Variants in DOCK5 observed in about 807,000 individuals in gnomAD.
DOCK5 encodes dedicator of cytokinesis 5.
Under a neutral mutation model 251.8 loss-of-function variants are expected in DOCK5, and 142 were observed. The ratio of observed to expected loss-of-function variants is 0.56; its 90% confidence interval spans 0.49 to 0.65. The LOEUF (loss-of-function observed/expected upper bound fraction) is 0.65. Ranked by LOEUF, DOCK5 falls within the 30% of genes least tolerant of loss-of-function variation. The pLI, the probability that DOCK5 is intolerant of heterozygous loss-of-function variation, is 0.00. For missense variants in DOCK5, 2,111 were observed against 2,312.3 expected (o/e 0.91, Z 1.79); for synonymous variants, 842 against 835.5 (o/e 1.01, Z -0.13).
At chr8:25,351,654 A>G (rs1349888115) in intron 26 of DOCK5, 77 bp from the exon 27 acceptor site, 15 of 1,142,904 alleles carry the variant, frequency 1.3e-5, no homozygotes, top group Non-Finnish European at 1.8e-5. Context: ...TAAAGACAAA[A>G]CTCATCTATC....
chr8:25,298,957 A>G lies in DOCK5; in HGVS notation c.620A>G (p.Asn207Ser). ...CTCTTTGTTCAGTCAATCCTGCAGA[A>G]CCTCGATTTGCGGGGCCAGTCCATC... ...KIQEEKSILQNLDLRGQSIFS... is the reference protein window; with the variant it reads ...KIQEEKSILQSLDLRGQSIFS... The change falls in exon 8 of 52, where the codon AAC (asparagine) becomes AGC (serine). Residue 207 changes from asparagine to serine, a missense_variant. Around this residue, in one of 3 missense-constraint regions of DOCK5, gnomAD observed 335 missense variants for 324.9 expected, o/e 1.03. Transcript: ENST00000276440. The G allele has an allele frequency of 2.5e-6, 4 of 1,611,768 alleles. No homozygotes were observed. Among genetic ancestry groups the G allele is most frequent in the Non-Finnish European group, 3.4e-6 (4 of 1,179,128 alleles).
chr8:25,202,811 C>A (rs1801910465), intron 1 of DOCK5, among the ~76,000 whole-genome samples: 1 of 152,164 alleles, frequency 6.6e-6, no homozygotes, highest in African/African-American at 2.4e-5. Flanking sequence ...ACCACTCTTG[C>A]ACTTTGGGGC....
Position 25,300,568 on chromosome 8 carries a change from T to C in DOCK5, c.765-8T>C, listed in dbSNP as rs1459806922. On this transcript the variant is annotated splice_region_variant and splice_polypyrimidine_tract_variant and intron_variant, in intron 8 of 51. Coordinates refer to ENST00000276440, the MANE Select transcript of DOCK5 (RefSeq NM_024940.8). ...CTCATTAAGAGCAATTTTTTTTTCC[T>C]TTGCCAGTGAGAACTATCTAATTCG... is the stretch of plus-strand genomic sequence containing the variant. The C allele has an allele frequency of 1.9e-6, 3 of 1,610,706 alleles. No individual in the cohort carries two copies. Among genetic ancestry groups the C allele is most frequent in the Non-Finnish European group, 2.5e-6 (3 of 1,178,306 alleles).
chr8:25,339,598 C>T (rs995274994), intron 22 of DOCK5, among the ~76,000 whole-genome samples: 4 of 152,176 alleles, frequency 2.6e-5, no homozygotes, highest in Non-Finnish European at 5.9e-5. Context: ...GAAGAAGCAG[C>T]CTCCAGAGAT....
At chr8:25,186,248 A>G (rs1207782798) in intron 1 of DOCK5, among the ~76,000 whole-genome samples, 2 of 151,738 alleles carry the variant, frequency 1.3e-5, no homozygotes, top group East Asian at 3.8e-4. Flanking sequence ...CTCAATTCAA[A>G]AGACATTTTC....
intron 39 of DOCK5, among the ~76,000 whole-genome samples, chr8:25,381,184 A>G (rs1451417872): frequency 6.6e-6 from 1 of 152,226 alleles, no homozygotes; most frequent in East Asian, 1.9e-4. Context: ...AATAATTTCT[A>G]GTAGAGGAGT....
At chr8:25,307,069 A>G (rs571503807) in intron 11 of DOCK5, among the ~76,000 whole-genome samples, 1 of 152,340 alleles carries the variant, frequency 6.6e-6, no homozygotes, top group African/African-American at 2.4e-5. Flanking sequence ...CTGAGATGTT[A>G]AAACAGCTAT....
chr8:25,194,061 G>A (rs1225673815), intron 1 of DOCK5, among the ~76,000 whole-genome samples: 3 of 151,150 alleles, frequency 2.0e-5, no homozygotes, highest in African/African-American at 4.9e-5. Context: ...TGAGGCGGGT[G>A]TATCACCTGA....
intron 10 of DOCK5, among the ~76,000 whole-genome samples, chr8:25,303,968 TA>T (rs1303476010): frequency 6.6e-6 from 1 of 152,134 alleles, no homozygotes; most frequent in African/African-American, 2.4e-5. Context: ...TGTCTTTTAA[TA>T]AAAAGCAAAA....
chr8:25,368,107 G>A (rs1360561508), intron 31 of DOCK5, 85 bp from the exon 32 acceptor site: 3 of 1,078,688 alleles, frequency 2.8e-6, no homozygotes, highest in Non-Finnish European at 2.8e-6. Context: ...GAGAGACACA[G>A]ACTGTTTTTA....
At position 25,403,784 on chromosome 8, in the gene DOCK5, T is replaced by G. The variant is rs984278163; in HGVS notation, c.5093+60T>G. 2.6e-6 allele frequency: 4 copies of G among 1,564,290 alleles called. No individual in the cohort carries two copies. The African/African-American group carries it at 5.4e-5, about 21-fold the overall frequency. The stretch of plus-strand genomic sequence containing the variant: ...GGGTAACGCCTTACTAATGTTTGCC[T>G]TTAGCCACGCATCACTCCTTTGAGA... On this transcript the variant is annotated intron_variant, in intron 48 of 51. Transcript: ENST00000276440.
At chr8:25,383,282 GTTTC>G (rs971691371) in intron 40 of DOCK5, among the ~76,000 whole-genome samples, 1 of 152,096 alleles carries the variant, frequency 6.6e-6, no homozygotes, top group African/African-American at 2.4e-5. Flanking sequence ...CTTACGAAAA[GTTTC>G]TTTTAGAGCT....
At chr8:25,407,820 C>T (rs1446934407) in intron 48 of DOCK5, among the ~76,000 whole-genome samples, 163 bp from the exon 49 acceptor site, 2 of 146,216 alleles carry the variant, frequency 1.4e-5, no homozygotes, top group African/African-American at 5.1e-5. Flanking sequence ...GATGTGATCG[C>T]ACCACTGCAC....
At chr8:25,198,703 A>C (rs977028752) in intron 1 of DOCK5, among the ~76,000 whole-genome samples, 2 of 152,202 alleles carry the variant, frequency 1.3e-5, no homozygotes, top group Non-Finnish European at 2.9e-5. Flanking sequence ...TAACACCCTC[A>C]TTTTATCAGA....
At chr8:25,410,284 G>C in intron 51 of DOCK5, 82 bp downstream of exon 51, 1 of 1,225,972 alleles carries the variant, frequency 8.2e-7, no homozygotes, top group South Asian at 1.3e-5. Context: ...GCTCTTTAGT[G>C]GGCAGGTTTG....
chr8:25,360,515 C>A (rs1277478154), intron 28 of DOCK5, among the ~76,000 whole-genome samples: 1 of 152,158 alleles, frequency 6.6e-6, no homozygotes, highest in Non-Finnish European at 1.5e-5. Flanking sequence ...GGCCTTAGAA[C>A]ACGCAGCTCT....
At chr8:25,252,666 T>C (rs1803302533) in intron 2 of DOCK5, among the ~76,000 whole-genome samples, 2 of 152,194 alleles carry the variant, frequency 1.3e-5, no homozygotes, top group African/African-American at 4.8e-5. Context: ...TGAGATGTGT[T>C]TTTCAAAAGA....
intron 28 of DOCK5, among the ~76,000 whole-genome samples, chr8:25,360,432 G>A (rs1041356464): frequency 1.2e-4 from 18 of 151,880 alleles, no homozygotes; most frequent in Admixed American, 1.0e-3. Context: ...TATGGGGGGT[G>A]GGGGGTGGAG....
intron 1 of DOCK5, among the ~76,000 whole-genome samples, chr8:25,205,039 A>T (rs1337355839): frequency 6.6e-6 from 1 of 152,006 alleles, no homozygotes; most frequent in Non-Finnish European, 1.5e-5. Flanking sequence ...TTTAAAAAAA[A>T]TTATTTTTAA....
Sources: allele counts gnomAD v4.1 joint callset (sites outside exome capture counted in the v4.1 genomes callset), GRCh38; gene constraint gnomAD v4.1.1; regional missense constraint gnomAD v4.1.1; transcripts MANE v1.5; gene names NCBI Gene and HGNC (gene_info 2026-07-23, HGNC 2026-07-21).